Variants in LHCGR observed in about 807,000 individuals in gnomAD.
The protein encoded by LHCGR is luteinizing hormone/choriogonadotropin receptor, also known as lutropin-choriogonadotropic hormone receptor.
In LHCGR, 55 loss-of-function variants were observed where a neutral mutation model predicts 60.7. The observed-to-expected ratio is 0.91, with a 90% confidence interval of 0.73 to 1.13. LHCGR has a LOEUF of 1.13. LHCGR is among the 50% of genes most tolerant of loss of function. LHCGR has a pLI of 0.00. For missense variants in LHCGR, 862 were observed against 836.0 expected, an observed-to-expected ratio of 1.03 and a Z score of -0.38; for synonymous variants, 337 against 316.5, an observed-to-expected ratio of 1.06 and a Z score of -0.69.
chr2:48,697,438 C>G (rs868026880), intron 9 of LHCGR, among the ~76,000 whole-genome samples: 19 of 152,150 alleles, frequency 1.2e-4, no homozygotes, highest in Admixed American at 1.0e-3. Context: ...TCTTTGTAAC[C>G]TCAGGCTTTC....
chr2:48,707,436 A>T (rs866796211), intron 8 of LHCGR, among the ~76,000 whole-genome samples: 8 of 152,334 alleles, frequency 5.3e-5, no homozygotes, highest in Middle Eastern at 6.8e-3. Flanking sequence ...TGGGAGAACC[A>T]CTGCTCTCTT....
chr2:48,709,844 T>C (rs919494384), intron 7 of LHCGR, among the ~76,000 whole-genome samples: 8 of 152,158 alleles, frequency 5.3e-5, no homozygotes, highest in Non-Finnish European at 1.0e-4. Flanking sequence ...CAGGCCCTTC[T>C]TTGAGTAGTC....
intron 6 of LHCGR, among the ~76,000 whole-genome samples, chr2:48,714,685 G>T (rs538355991): frequency 6.6e-6 from 1 of 151,998 alleles, no homozygotes; most frequent in African/African-American, 2.4e-5. Context: ...AGTGATTAGG[G>T]TATTAATGTT....
At chr2:48,707,715 A>T (rs1667764031) in intron 8 of LHCGR, among the ~76,000 whole-genome samples, 1 of 152,246 alleles carries the variant, frequency 6.6e-6, no homozygotes, top group South Asian at 2.1e-4. Flanking sequence ...AGCCTCAGCA[A>T]TGGCGGATGT....
intron 9 of LHCGR, among the ~76,000 whole-genome samples, chr2:48,695,041 T>C (rs979491309): frequency 6.6e-6 from 1 of 152,182 alleles, no homozygotes; most frequent in African/African-American, 2.4e-5. Context: ...TGATTAGTGA[T>C]GATGAGCATT....
Position 48,687,662 on chromosome 2 carries a change from A to G in LHCGR, c.*35T>C, listed in dbSNP as rs760482308. On this transcript the variant is annotated 3_prime_UTR_variant, in exon 11 of 11. Transcript: ENST00000294954. Reference sequence around the variant, plus strand: ...CAGGTAATTTTTTTTTACAGGTTTAAGAACAATTCAATAATGCAGTTACTG... The same window carrying G: ...CAGGTAATTTTTTTTTACAGGTTTAGGAACAATTCAATAATGCAGTTACTG... 4 of 1,552,904 alleles carry G rather than the reference A, an allele frequency of 2.6e-6. No homozygotes were observed. The East Asian group carries it at 6.7e-5, about 26-fold the overall frequency.
At chr2:48,745,891 G>C (rs1444003911) in intron 1 of LHCGR, among the ~76,000 whole-genome samples, 4 of 151,048 alleles carry the variant, frequency 2.6e-5, no homozygotes, top group Non-Finnish European at 4.4e-5. Context: ...AAAAAAAAAA[G>C]GTCCGTCTCA....
Position 48,688,107 on chromosome 2 carries a change from CTT to C in LHCGR, c.1688_1689del (p.Lys563ArgfsTer6). ...GCCATTTTCTTAGCAATCTTTGTAT[CTT>C]TATTGGTAGCCATTAATTCTGGGTT... ...VRNPELMATN[K>X]DTKIAKKMAI... On this transcript the variant is annotated frameshift_variant, in exon 11 of 11. Transcript: ENST00000294954. LOFTEE classifies it high-confidence loss of function. The surrounding 1 kb of genome is among the most constrained non-coding windows in gnomAD (Gnocchi z 5.2). 6.2e-7 allele frequency: 1 copy of C among 1,614,110 alleles called. No individual in the cohort carries two copies. The highest frequency in any genetic ancestry group is 8.5e-7 in the Non-Finnish European group (1 of 1,180,030).
intron 3 of LHCGR, among the ~76,000 whole-genome samples, chr2:48,728,351 A>G (rs1435327079): frequency 2.0e-5 from 3 of 152,156 alleles, no homozygotes; most frequent in African/African-American, 7.2e-5. Flanking sequence ...ACAGAGCTCA[A>G]AAAATGTTTG....
chr2:48,690,415 G>A (rs554181086), intron 10 of LHCGR, among the ~76,000 whole-genome samples: 25 of 152,152 alleles, frequency 1.6e-4, no homozygotes, highest in Non-Finnish European at 8.8e-5. Context: ...GCCAAGTAGG[G>A]ATAATAATCA....
chr2:48,710,481 G>A (rs1291852409), intron 7 of LHCGR, among the ~76,000 whole-genome samples: 1 of 152,174 alleles, frequency 6.6e-6, no homozygotes, highest in African/African-American at 2.4e-5. Context: ...AGATCTTTCT[G>A]TATACTGATA....
In LHCGR at chr2:48,723,698, T is replaced by C; in HGVS notation, c.384-2A>G. The C allele has an allele frequency of 6.2e-7, 1 of 1,610,140 alleles. No homozygotes were observed. On this transcript the variant is annotated splice_acceptor_variant, in intron 4 of 10. Coordinates refer to ENST00000294954, the MANE Select transcript of LHCGR (RefSeq NM_000233.4). LOFTEE classifies it high-confidence loss of function. ...CTGATGCCTGTGTTACAGATGCTCCTGTGATTAGGGACAGGATAGTGGTGT... is the reference window on the plus strand; with the variant it reads ...CTGATGCCTGTGTTACAGATGCTCCCGTGATTAGGGACAGGATAGTGGTGT...
chr2:48,748,272 A>ATGCTATCTT (rs1309145275), intron 1 of LHCGR, among the ~76,000 whole-genome samples: 2 of 152,144 alleles, frequency 1.3e-5, no homozygotes, highest in African/African-American at 4.8e-5. Context: ...TGTACATTTC[A>ATGCTATCTT]GTACGTATTT....
intron 4 of LHCGR, among the ~76,000 whole-genome samples, chr2:48,723,933 G>C (rs1262113765): frequency 1.1e-4 from 17 of 152,118 alleles, no homozygotes; most frequent in Admixed American, 1.1e-3. Context: ...TTAGAGACCT[G>C]GGGACTGGGG....
At chr2:48,737,401 A>T (rs1381572058) in intron 1 of LHCGR, among the ~76,000 whole-genome samples, 4 of 152,220 alleles carry the variant, frequency 2.6e-5, no homozygotes, top group Non-Finnish European at 5.9e-5. Context: ...TAATTATTTA[A>T]ATTCAAAAGA....
rs186671709 is a variant in LHCGR, at chr2:48,709,944, G to A, written c.606-922C>T. On this transcript the variant is annotated intron_variant, in intron 7 of 10. Coordinates refer to ENST00000294954, the MANE Select transcript of LHCGR (RefSeq NM_000233.4). ...TATAAGAGAATGGTTGTGATTCAGAGCATCTGGAAAACCGTGGATGGTGGG... is the reference window on the plus strand; with the variant it reads ...TATAAGAGAATGGTTGTGATTCAGAACATCTGGAAAACCGTGGATGGTGGG... 6.6e-5 allele frequency among the ~76,000 whole-genome samples: 10 copies of A among 152,284 alleles called. No individual in the cohort carries two copies. In the East Asian group the frequency reaches 1.9e-3, roughly 29 times the overall value.
chr2:48,752,649 C>A (rs1475011653), intron 1 of LHCGR, among the ~76,000 whole-genome samples: 4 of 151,950 alleles, frequency 2.6e-5, no homozygotes, highest in African/African-American at 9.7e-5. Flanking sequence ...TGAACCTGTC[C>A]ACTTTTCCTG....
chr2:48,742,718 T>C (rs1669516586), intron 1 of LHCGR, among the ~76,000 whole-genome samples: 1 of 151,936 alleles, frequency 6.6e-6, no homozygotes, highest in Admixed American at 6.6e-5. Context: ...TTTTTAGCAC[T>C]AAATGCCCAC....
chr2:48,689,164 CAT>C (rs1421827373), intron 10 of LHCGR, among the ~76,000 whole-genome samples: 4 of 148,036 alleles, frequency 2.7e-5, no homozygotes, highest in Admixed American at 6.7e-5. Context: ...TATATACACA[CAT>C]ATATACATAT....
Sources: gnomAD v4.1 joint callset for allele counts (sites outside exome capture counted in the v4.1 genomes callset) on GRCh38, gnomAD v4.1.1 for gene constraint, Gnocchi (gnomAD v3.1) non-coding constraint, MANE v1.5 for transcripts, NCBI Gene and HGNC (gene_info 2026-07-23, HGNC 2026-07-21) for gene names.